Variants in CDKN1A observed in about 807,000 individuals in gnomAD.
CDKN1A encodes cyclin-dependent kinase inhibitor 1.
CDKN1A carries 14 observed loss-of-function variants against 14.8 expected under a neutral mutation model. That is an observed-to-expected ratio of 0.94 (90% CI 0.62 to 1.48). The LOEUF is 1.48. Among genes scored for constraint, CDKN1A ranks in the 40% most tolerant of loss-of-function variants. CDKN1A has a pLI of 0.00. For synonymous variants in CDKN1A, 92 were observed against 93.5 expected, an observed-to-expected ratio of 0.98 and a Z score of 0.09; for missense variants, 203 against 231.7, an observed-to-expected ratio of 0.88 and a Z score of 0.80.
At position 36,685,874 on chromosome 6, in the gene CDKN1A, C is replaced by T. The variant is rs760541872; in HGVS notation, c.*74C>T. 1.6e-4 allele frequency: 217 copies of T among 1,348,092 alleles called. No homozygotes were observed. The highest frequency in any genetic ancestry group is 2.1e-4 in the Non-Finnish European group (195 of 940,086). 83.5% of individuals were successfully genotyped at this position (1,348,092 alleles called of 1,614,324 possible). Reference sequence around the variant, plus strand: ...CCCGCTCTACATCTTCTGCCTTAGTCTCAGTTTGTGTGTCTTAATTATTAT... The same window carrying T: ...CCCGCTCTACATCTTCTGCCTTAGTTTCAGTTTGTGTGTCTTAATTATTAT... On this transcript the variant is annotated 3_prime_UTR_variant, in exon 3 of 3. Transcript: ENST00000244741.
In CDKN1A at chr6:36,684,520, G is replaced by GA; in HGVS notation, c.423dup (p.Arg142ThrfsTer55). On this transcript the variant is annotated frameshift_variant, in exon 2 of 3. Coordinates refer to ENST00000244741, the MANE Select transcript of CDKN1A (RefSeq NM_000389.5). LOFTEE classifies it high-confidence loss of function. This position sits in a 1 kb window ranked among gnomAD's most constrained non-coding sequence, Gnocchi z 6.0. Reference sequence around the variant, plus strand: ...GGTGGACCTGGAGACTCTCAGGGTCGAAAACGGCGGCAGACCAGCATGACA... The same window carrying GA: ...GGTGGACCTGGAGACTCTCAGGGTCGAAAAACGGCGGCAGACCAGCATGACA... 2 of 1,614,188 alleles carry GA rather than the reference G, an allele frequency of 1.2e-6. No homozygotes were observed. Among genetic ancestry groups the GA allele is most frequent in the Non-Finnish European group, 1.7e-6 (2 of 1,180,042 alleles).
chr6:36,679,573 C>A (rs1373480885), intron 1 of CDKN1A, among the ~76,000 whole-genome samples: 1 of 152,222 alleles, frequency 6.6e-6, no homozygotes, highest in African/African-American at 2.4e-5. Flanking sequence ...GCACAGTGAC[C>A]TATTTGGCTG....
At chr6:36,681,235 T>G (rs901082735) in intron 1 of CDKN1A, among the ~76,000 whole-genome samples, 1 of 150,280 alleles carries the variant, frequency 6.7e-6, no homozygotes, top group Non-Finnish European at 1.5e-5. Context: ...GCCTCAGCAA[T>G]CTATATTTTG....
chr6:36,681,408 C>CTTTCTCT (rs1562038520), intron 1 of CDKN1A, among the ~76,000 whole-genome samples: 2 of 66,542 alleles, frequency 3.0e-5, no homozygotes, highest in African/African-American at 1.3e-4. Flanking sequence ...TTTCTTTCTT[C>CTTTCTCT]CTTTCTCTTT....
chr6:36,678,482 C>A, upstream of CDKN1A: 1 of 164,832 alleles, frequency 6.1e-6, no homozygotes, highest in Non-Finnish European at 1.3e-5. This position sits in a 1 kb window ranked among gnomAD's most constrained non-coding sequence, Gnocchi z 5.7. Context: ...CCAACGCAGG[C>A]GAGGGACTGG....
Position 36,681,365 on chromosome 6 carries a change from C to CTTTCTTTTTCTTTCT in CDKN1A, c.-6+2574_-6+2575insTTCTTTCTTTTCTTT, listed in dbSNP as rs1554185384. On this transcript the variant is annotated intron_variant, in intron 1 of 2. Coordinates refer to ENST00000244741, the MANE Select transcript of CDKN1A (RefSeq NM_000389.5). ...TTCTTTCTTTCTTTTTCTTTCTTTT[C>CTTTCTTTTTCTTTCT]TTTCTTTCTTTCTTTCTTTCTTTCT... Among the ~76,000 whole-genome samples, 180 of 42,824 alleles carry CTTTCTTTTTCTTTCT rather than the reference C, an allele frequency of 4.2e-3. 3 individuals carry two copies. Among genetic ancestry groups the CTTTCTTTTTCTTTCT allele is most frequent in the African/African-American group, 0.015 (156 of 10,480 alleles). The allele number at this position is 42,824 out of a possible 152,430, so 28.1% of individuals were successfully genotyped here.
Position 36,681,280 on chromosome 6 carries a change from T to TCTTTC in CDKN1A, c.-6+2482_-6+2483insCTTTC, listed in dbSNP as rs1554185351. On this transcript the variant is annotated intron_variant, in intron 1 of 2. Transcript: ENST00000244741. ...CCTAGGTGCTTTTCTTTCTTTCTTT[T>TCTTTC]TTTCTTTCTTTCTTTCTTTCTTTCT... Among the ~76,000 whole-genome samples, 20 of 112,894 alleles carry TCTTTC rather than the reference T, an allele frequency of 1.8e-4. 1 individual carries two copies. The highest frequency in any genetic ancestry group is 6.9e-4 in the African/African-American group (20 of 28,956). 74.1% of individuals were successfully genotyped at this position (112,894 alleles called of 152,430 possible).
intron 1 of CDKN1A, chr6:36,680,863 T>G (rs1254987129): frequency 2.0e-5 from 3 of 152,064 alleles, no homozygotes; most frequent in African/African-American, 7.2e-5. Flanking sequence ...AAAACAAGGG[T>G]TTGCGTTTCT....
chr6:36,678,690 G>A (rs1218390666), upstream of CDKN1A: 2 of 985,336 alleles, frequency 2.0e-6, no homozygotes, highest in Non-Finnish European at 2.4e-6. This position sits in a 1 kb window ranked among gnomAD's most constrained non-coding sequence, Gnocchi z 5.7. Context: ...TTGTATATCA[G>A]GGCCGCGCTG....
chr6:36,681,441 CTT>C (rs1329696295), intron 1 of CDKN1A, among the ~76,000 whole-genome samples: 1 of 144,952 alleles, frequency 6.9e-6, no homozygotes, highest in Non-Finnish European at 1.5e-5. Flanking sequence ...CTCTTTCTCT[CTT>C]TCTTTCTTTT....
chr6:36,681,700 C>T (rs1762017683), intron 1 of CDKN1A, among the ~76,000 whole-genome samples: 1 of 147,314 alleles, frequency 6.8e-6, no homozygotes, highest in Non-Finnish European at 1.5e-5. Context: ...TCACGCCATT[C>T]TCCTGCCTCA....
chr6:36,686,031 T>C lies in CDKN1A; in HGVS notation c.*231T>C. 1.7e-6 allele frequency: 1 copy of C among 586,014 alleles called. No homozygotes were observed. Among genetic ancestry groups the C allele is most frequent in the Non-Finnish European group, 3.0e-6 (1 of 329,076 alleles). 36.3% of individuals were successfully genotyped at this position (586,014 alleles called of 1,614,324 possible). On this transcript the variant is annotated 3_prime_UTR_variant, in exon 3 of 3. Transcript: ENST00000244741. This position sits in a 1 kb window ranked among gnomAD's most constrained non-coding sequence, Gnocchi z 4.9. Reference sequence around the variant, plus strand: ...AGGTTCCTAAGAGTGCTGGGCATTTTTATTTTATGAAATACTATTTAAAGC... The same window carrying C: ...AGGTTCCTAAGAGTGCTGGGCATTTCTATTTTATGAAATACTATTTAAAGC...
Position 36,684,499 on chromosome 6 carries a change from G to A in CDKN1A, c.398G>A (p.Gly133Glu). 6.2e-7 allele frequency: 1 copy of A among 1,614,212 alleles called. No homozygotes were observed. Among genetic ancestry groups the A allele is most frequent in the Non-Finnish European group, 8.5e-7 (1 of 1,180,018 alleles). ...SGEQAEGSPG[G>E]PGDSQGRKRR... is the part of the protein sequence containing the mutation. ...GAGCAGGCTGAAGGGTCCCCAGGTG[G>A]ACCTGGAGACTCTCAGGGTCGAAAA... is the stretch of plus-strand genomic sequence containing the variant. The change falls in exon 2 of 3, where the codon GGA becomes GAA. Residue 133 changes from glycine (G) to glutamate (E), a missense_variant. Physicochemically the swap from Gly to Glu is moderately conservative, Grantham distance 98. Transcript: ENST00000244741. The surrounding 1 kb of genome is among the most constrained non-coding windows in gnomAD (Gnocchi z 6.0).
rs779588206 is a variant in CDKN1A, at chr6:36,684,454, C to A, written c.353C>A (p.Thr118Asn). Residue 118 changes from threonine (T) to asparagine (N), a missense_variant, in exon 2 of 3, where the codon ACC (threonine) becomes AAC (asparagine). Transcript: ENST00000244741. The surrounding 1 kb of genome is among the most constrained non-coding windows in gnomAD (Gnocchi z 6.0). Reference protein sequence around the residue: ...EDHVDLSLSCTLVPRSGEQAE... With the variant: ...EDHVDLSLSCNLVPRSGEQAE... ...CATGTGGACCTGTCACTGTCTTGTA[C>A]CCTTGTGCCTCGCTCAGGGGAGCAG... 7 of 1,614,122 alleles carry A rather than the reference C, an allele frequency of 4.3e-6. No individual in the cohort carries two copies. The highest frequency in any genetic ancestry group is 1.7e-5 in the Admixed American group (1 of 60,020).
In CDKN1A at chr6:36,684,643, C is replaced by A; in HGVS notation, c.445+97C>A. 8.0e-7 allele frequency: 1 copy of A among 1,253,244 alleles called. No homozygotes were observed. Among genetic ancestry groups the A allele is most frequent in the Non-Finnish European group, 1.1e-6 (1 of 873,474 alleles). 77.6% of individuals were successfully genotyped at this position (1,253,244 alleles called of 1,614,324 possible). On this transcript the variant is annotated intron_variant, in intron 2 of 2. Coordinates refer to ENST00000244741, the MANE Select transcript of CDKN1A (RefSeq NM_000389.5). The surrounding 1 kb of genome is among the most constrained non-coding windows in gnomAD (Gnocchi z 6.0). ...TGTCTGGTCCTGGTCCAGCATGCTC[C>A]AGGTAGAAGGAAACAGGCCCAGAGA...
intron 1 of CDKN1A, among the ~76,000 whole-genome samples, chr6:36,681,408 C>CTTTCTTTCTCTTTCTCTCTTTCTCTCTTT: frequency 1.5e-5 from 1 of 66,618 alleles, no homozygotes; most frequent in Non-Finnish European, 2.9e-5. Context: ...TTTCTTTCTT[C>CTTTCTTTCTCTTTCTCTCTTTCTCTCTTT]CTTTCTCTTT....
In CDKN1A at chr6:36,684,848, G is replaced by T. The variant is rs1307755419; in HGVS notation, c.445+302G>T. Among the ~76,000 whole-genome samples, 3 of 152,126 alleles carry T rather than the reference G, an allele frequency of 2.0e-5. No individual in the cohort carries two copies. The highest frequency in any genetic ancestry group is 1.5e-5 in the Non-Finnish European group (1 of 68,022). ...TGTCACCCTGCCCGCCTTTCTTTTT[G>T]AGACAGGTGTCTTAACTCTGTTGGC... On this transcript the variant is annotated intron_variant, in intron 2 of 2. Coordinates refer to ENST00000244741, the MANE Select transcript of CDKN1A (RefSeq NM_000389.5). This position sits in a 1 kb window ranked among gnomAD's most constrained non-coding sequence, Gnocchi z 6.0.
intron 1 of CDKN1A, among the ~76,000 whole-genome samples, chr6:36,681,585 AT>A (rs908259380): frequency 9.9e-3 from 666 of 67,434 alleles, no homozygotes; most frequent in East Asian, 0.028. Context: ...CCATGCCCAG[AT>A]TTTTTTTTTT....
intron 1 of CDKN1A, among the ~76,000 whole-genome samples, chr6:36,683,436 C>T (rs1050609245): frequency 6.6e-6 from 1 of 152,220 alleles, no homozygotes; most frequent in Non-Finnish European, 1.5e-5. Context: ...GTGTCTGTAG[C>T]CATGCTCTTT....
Sources: allele counts gnomAD v4.1 joint callset (sites outside exome capture counted in the v4.1 genomes callset), GRCh38; gene constraint gnomAD v4.1.1; non-coding constraint Gnocchi (gnomAD v3.1); transcripts MANE v1.5; gene names NCBI Gene and HGNC (gene_info 2026-07-23, HGNC 2026-07-21).